AP2A1: variants seen among roughly 807,000 people sequenced by gnomAD.
The protein encoded by AP2A1 is AP-2 complex subunit alpha-1.
Under a neutral mutation model 107.3 loss-of-function variants are expected in AP2A1, and 21 were observed. That is an observed-to-expected ratio of 0.20 (90% CI 0.14 to 0.28). The LOEUF is 0.28. Ranked by LOEUF, AP2A1 falls within the 10% of genes least tolerant of loss-of-function variation. The probability of loss-of-function intolerance (pLI) is 1.00; values close to 1 mark genes in which losing one functional copy is unlikely to be tolerated. For synonymous variants in AP2A1, 602 were observed against 564.8 expected, an observed-to-expected ratio of 1.07 and a Z score of -0.93; for missense variants, 873 against 1,307.7, an observed-to-expected ratio of 0.67 and a Z score of 5.13.
chr19:49,800,806 C>T (rs1042670620), intron 11 of AP2A1, 155 bp from the exon 12 acceptor site: 6 of 586,676 alleles, frequency 1.0e-5, no homozygotes, highest in Non-Finnish European at 1.8e-5. Context: ...GAGCTTGGGC[C>T]CGTCACTCAA....
rs553508755 is a variant in AP2A1 at position 49,795,243 on chromosome 19, C to T, written c.706-387C>T. 1.2e-4 allele frequency among the ~76,000 whole-genome samples: 19 copies of T among 152,340 alleles called. No homozygotes were observed. The South Asian group carries it at 3.9e-3, about 32-fold the overall frequency. On this transcript the variant is annotated intron_variant, in intron 6 of 22. Transcript: ENST00000354293. The stretch of plus-strand genomic sequence containing the variant: ...AACCAGCAGAGACCTTTCCTGCCCA[C>T]CACACACCAGCATTACTTGGAAAGA...
At chr19:49,772,793 C>G (rs2084577690) in intron 1 of AP2A1, among the ~76,000 whole-genome samples, 1 of 152,070 alleles carries the variant, frequency 6.6e-6, no homozygotes, top group Non-Finnish European at 1.5e-5. Context: ...AGCCACCGCG[C>G]CCGGCCCAAG....
rs977638595 is a variant in AP2A1 at position 49,781,938 on chromosome 19, C to G, written c.137-9C>G. 4 of 1,611,512 alleles carry G rather than the reference C, an allele frequency of 2.5e-6. No individual in the cohort carries two copies. The highest frequency in any genetic ancestry group is 3.4e-6 in the Non-Finnish European group (4 of 1,179,042). On this transcript the variant is annotated splice_polypyrimidine_tract_variant and intron_variant, in intron 2 of 22. Coordinates refer to ENST00000354293, the MANE Select transcript of AP2A1 (RefSeq NM_130787.3). ...TTCTGGCTCCCCTTTCCTCCTTCCTCTGCCCTAGGAGACAAAGCCTTGGAT... is the reference window on the plus strand; with the variant it reads ...TTCTGGCTCCCCTTTCCTCCTTCCTGTGCCCTAGGAGACAAAGCCTTGGAT...
chr19:49,784,860 C>T (rs1038558372), intron 4 of AP2A1, among the ~76,000 whole-genome samples: 2 of 151,908 alleles, frequency 1.3e-5, no homozygotes, highest in African/African-American at 2.4e-5. Context: ...AGAGTAAGAC[C>T]CTGTCTAAAC....
Position 49,800,161 on chromosome 19 carries a change from C to G in AP2A1, c.1455+11C>G, listed in dbSNP as rs368404769. The G allele has an allele frequency of 6.3e-7, 1 of 1,599,558 alleles. No individual in the cohort carries two copies. The highest frequency in any genetic ancestry group is 1.3e-5 in the African/African-American group (1 of 74,644). ...AAGACCGTCTTTGAGGTCAGCATCC[C>G]TGACCCTGACCCTATGACCCCACGA... On this transcript the variant is annotated intron_variant, in intron 11 of 22. Transcript: ENST00000354293.
intron 1 of AP2A1, among the ~76,000 whole-genome samples, chr19:49,775,282 C>A (rs535579000): frequency 1.6e-4 from 24 of 152,240 alleles, no homozygotes; most frequent in African/African-American, 5.8e-4. Flanking sequence ...AATATATTTT[C>A]TTTACCCTAG....
chr19:49,802,016 G>A lies in AP2A1; in HGVS notation c.1989G>A (p.Leu663=). Residue 663 remains leucine, a synonymous_variant, in exon 15 of 23, where the codon CTG becomes CTA. Transcript: ENST00000354293. ...TPSPSADLLG[L]RAAPPPAAPP... is the part of the protein sequence containing the mutation. ...CGCCCTCCGCCGACCTCCTGGGGCTGCGGGCAGCCCCTCCCCCGGCAGCAC... is the reference window on the plus strand; with the variant it reads ...CGCCCTCCGCCGACCTCCTGGGGCTACGGGCAGCCCCTCCCCCGGCAGCAC... The A allele has an allele frequency of 6.4e-7, 1 of 1,555,100 alleles. No individual in the cohort carries two copies. The highest frequency in any genetic ancestry group is 1.9e-5 in the Admixed American group (1 of 51,700).
rs376445441 is a variant in AP2A1 at position 49,795,751 on chromosome 19, G to A, written c.814+13G>A. The stretch of plus-strand genomic sequence containing the variant: ...TACCCGCCTCCAGGTAATGAACGCC[G>A]TGCACTCCCCAACCCGGGGTGGCCT... On this transcript the variant is annotated intron_variant, in intron 7 of 22. Coordinates refer to ENST00000354293, the MANE Select transcript of AP2A1 (RefSeq NM_130787.3). 119 of 1,528,920 alleles carry A rather than the reference G, an allele frequency of 7.8e-5. No homozygotes were observed. Among genetic ancestry groups the A allele is most frequent in the Admixed American group, 2.0e-4 (10 of 51,104 alleles). 94.7% of individuals were successfully genotyped at this position (1,528,920 alleles called of 1,614,324 possible).
rs530706312 is a variant in AP2A1, at chr19:49,770,502, A to G, written c.67+3302A>G. On this transcript the variant is annotated intron_variant, in intron 1 of 22. Coordinates refer to ENST00000354293, the MANE Select transcript of AP2A1 (RefSeq NM_130787.3). Reference sequence around the variant, plus strand: ...GGAGAAGGTGCAACATACAAATTGCAGTAGTCCTTCACACTAATACCTGGA... The same window carrying G: ...GGAGAAGGTGCAACATACAAATTGCGGTAGTCCTTCACACTAATACCTGGA... Among the ~76,000 whole-genome samples the G allele has an allele frequency of 9.2e-5, 14 of 152,346 alleles. 1 individual carries two copies. In the South Asian group the frequency reaches 2.9e-3, roughly 32 times the overall value.
intron 1 of AP2A1, among the ~76,000 whole-genome samples, chr19:49,781,230 G>A (rs895958234): frequency 6.6e-6 from 1 of 152,012 alleles, no homozygotes; most frequent in African/African-American, 2.4e-5. Context: ...CAGGCCACGC[G>A]GGAGAGGACA....
chr19:49,806,397 C>G, intron 22 of AP2A1, 144 bp downstream of exon 22: 1 of 1,437,896 alleles, frequency 7.0e-7, no homozygotes, highest in Non-Finnish European at 9.1e-7. Context: ...TTTTACTCCT[C>G]TTTATCTATC....
intron 1 of AP2A1, 43 bp from the exon 2 acceptor site, chr19:49,781,714 C>T (rs765019032): frequency 8.4e-6 from 13 of 1,552,062 alleles, no homozygotes; most frequent in East Asian, 2.4e-5. Context: ...AGGTGGCTGA[C>T]TCCCCAGACC....
chr19:49,767,232 CG>C (rs2084511656), intron 1 of AP2A1, 32 bp downstream of exon 1: 4 of 1,583,972 alleles, frequency 2.5e-6, no homozygotes, highest in Non-Finnish European at 2.6e-6. Context: ...ACTGGAGACG[CG>C]GGGGAGGGGG....
In AP2A1 at chr19:49,792,192, C is replaced by T. The variant is rs542491126; in HGVS notation, c.603+128C>T. ...TACCCAGGGCTCCCACCTCAGCCCA[C>T]GCACCCCCTGGATGCCCGGGGCTCC... On this transcript the variant is annotated intron_variant, in intron 5 of 22. Transcript: ENST00000354293. The T allele has an allele frequency of 2.6e-3, 2,556 of 993,806 alleles. 22 individuals carry two copies. In the Middle Eastern group the frequency reaches 0.032, roughly 12 times the overall value. The allele number at this position is 993,806 out of a possible 1,614,324, so 61.6% of individuals were successfully genotyped here.
At chr19:49,774,749 C>T (rs558952715) in intron 1 of AP2A1, among the ~76,000 whole-genome samples, 4 of 151,488 alleles carry the variant, frequency 2.6e-5, no homozygotes, top group Non-Finnish European at 5.9e-5. Flanking sequence ...AGTGAAACTC[C>T]GTCTCTACTA....
Position 49,802,144 on chromosome 19 carries a change from A to G in AP2A1, c.2114+3A>G. 1 of 1,554,432 alleles carries G rather than the reference A, an allele frequency of 6.4e-7. No individual in the cohort carries two copies. The highest frequency in any genetic ancestry group is 8.6e-7 in the Non-Finnish European group (1 of 1,156,696). On this transcript the variant is annotated splice_donor_region_variant and intron_variant, in intron 15 of 22. Coordinates refer to ENST00000354293, the MANE Select transcript of AP2A1 (RefSeq NM_130787.3). Reference sequence around the variant, plus strand: ...ACCCCCGAGGAGGCCTTCCTCAGGTAGCACCCCCTGGGCCCGGGCCCCTTC... The same window carrying G: ...ACCCCCGAGGAGGCCTTCCTCAGGTGGCACCCCCTGGGCCCGGGCCCCTTC...
In AP2A1 at chr19:49,791,983, A is replaced by G; in HGVS notation, c.522A>G (p.Arg174=). The change falls in exon 5 of 23, where the codon CGA becomes CGG. Residue 174 remains arginine, a synonymous_variant. Transcript: ENST00000354293. The stretch of plus-strand genomic sequence containing the variant: ...AGAGTGCGGCCCTGTGCCTCCTTCG[A>G]CTGTACAAGGCCTCGCCTGACCTGG... ...VKQSAALCLL[R]LYKASPDLVP... is the part of the protein sequence containing the mutation. 1.9e-6 allele frequency: 3 copies of G among 1,612,582 alleles called. No individual in the cohort carries two copies. The highest frequency in any genetic ancestry group is 2.5e-6 in the Non-Finnish European group (3 of 1,179,456).
At chr19:49,774,971 C>T (rs2084603034) in intron 1 of AP2A1, among the ~76,000 whole-genome samples, 1 of 151,590 alleles carries the variant, frequency 6.6e-6, no homozygotes, top group Admixed American at 6.6e-5. Context: ...CGCCTGTAAT[C>T]CCAGCACTTT....
At position 49,791,228 on chromosome 19, in the gene AP2A1, A is replaced by AT. The variant is rs890767006; in HGVS notation, c.474-700dup. ...GTTACTCTGTTTTGTTTATTTTTAA[A>AT]TTTTTTTATTTATTTAGAGACAGCT... is the stretch of plus-strand genomic sequence containing the variant. On this transcript the variant is annotated intron_variant, in intron 4 of 22. Transcript: ENST00000354293. Among the ~76,000 whole-genome samples, 4 of 152,266 alleles carry AT rather than the reference A, an allele frequency of 2.6e-5. No homozygotes were observed. The South Asian group carries it at 8.3e-4, about 32-fold the overall frequency.
Sources: gnomAD v4.1 joint callset for allele counts (sites outside exome capture counted in the v4.1 genomes callset) on GRCh38, gnomAD v4.1.1 for gene constraint, MANE v1.5 for transcripts, NCBI Gene and HGNC (gene_info 2026-07-23, HGNC 2026-07-21) for gene names.